The following XPOT variants were observed in gnomAD, a reference collection of about 807,000 sequenced individuals.
The protein encoded by XPOT is exportin-T.
Under a neutral mutation model 128.2 loss-of-function variants are expected in XPOT, and 34 were observed. The observed-to-expected ratio is 0.27, with a 90% confidence interval of 0.20 to 0.35. XPOT has a LOEUF of 0.35. Ranked by LOEUF, XPOT falls within the 10% of genes least tolerant of loss-of-function variation. XPOT has a pLI of 1.00. For synonymous variants in XPOT, 348 were observed against 394.3 expected (o/e 0.88, Z 1.39); for missense variants, 838 against 1,125.3 (o/e 0.74, Z 3.65).
chr12:64,415,872 A>G (rs2040083297), intron 3 of XPOT, among the ~76,000 whole-genome samples: 1 of 152,150 alleles, frequency 6.6e-6, no homozygotes, highest in Admixed American at 6.5e-5. Flanking sequence ...ATAGATTTTT[A>G]AGATATTTGT....
Position 64,433,420 on chromosome 12 carries a change from G to T in XPOT, c.2269G>T (p.Val757Leu). 2 of 1,538,050 alleles carry T rather than the reference G, an allele frequency of 1.3e-6. No homozygotes were observed. Among genetic ancestry groups the T allele is most frequent in the Non-Finnish European group, 1.8e-6 (2 of 1,135,846 alleles). Reference sequence around the variant, plus strand: ...AATGATTGTTTATCTTCAGATACAGGTATCCCCGTTTTTACAACAGATGTT... The same window carrying T: ...AATGATTGTTTATCTTCAGATACAGTTATCCCCGTTTTTACAACAGATGTT... ...NQITAKFKIQ[V>L]SPFLQQMFMP... Residue 757 changes from valine (V) to leucine (L), a missense_variant, in exon 19 of 25, where the codon GTA becomes TTA. Val to Leu is a conservative substitution (Grantham distance 32). Coordinates refer to ENST00000332707, the MANE Select transcript of XPOT (RefSeq NM_007235.6).
In XPOT at chr12:64,422,112, A is replaced by T. The variant is rs188998020; in HGVS notation, c.1080+641A>T. Among the ~76,000 whole-genome samples, 4 of 152,238 alleles carry T rather than the reference A, an allele frequency of 2.6e-5. No homozygotes were observed. The East Asian group carries it at 7.7e-4, about 29-fold the overall frequency. On this transcript the variant is annotated intron_variant, in intron 9 of 24. Coordinates refer to ENST00000332707, the MANE Select transcript of XPOT (RefSeq NM_007235.6). Reference sequence around the variant, plus strand: ...GGTGTGAGCCACCACGCCCGGCAACAATTTTTTACAATTAAAGTTTCCCCC... The same window carrying T: ...GGTGTGAGCCACCACGCCCGGCAACTATTTTTTACAATTAAAGTTTCCCCC...
At position 64,404,499 on chromosome 12, in the gene XPOT, G is replaced by C. The variant is rs2039958334; in HGVS notation, c.-380G>C. The C allele has an allele frequency of 6.3e-6, 1 of 158,406 alleles. No homozygotes were observed. The highest frequency in any genetic ancestry group is 1.4e-5 in the Non-Finnish European group (1 of 72,904). The allele number at this position is 158,406 out of a possible 1,614,324, so 9.8% of individuals were successfully genotyped here. ...CGGCGGCTGCGGCGGCGGCGGCGGC[G>C]TTAGCCGGCCCTCGCGCTCTTTCCC... is the stretch of plus-strand genomic sequence containing the variant. On this transcript the variant is annotated 5_prime_UTR_variant, in exon 1 of 25. Transcript: ENST00000332707.
rs1488789945 is a variant in XPOT, at chr12:64,450,743, G to C, written c.*2612G>C. 1 of 152,202 alleles carries C rather than the reference G, an allele frequency of 6.6e-6. No homozygotes were observed. Among genetic ancestry groups the C allele is most frequent in the African/African-American group, 2.4e-5 (1 of 41,450 alleles). 9.4% of individuals were successfully genotyped at this position (152,202 alleles called of 1,614,324 possible). ...AGGAAGGACAAAACTGTTACAAGCT[G>C]AAATATTTGGGGATTTGTTTGACTT... On this transcript the variant is annotated 3_prime_UTR_variant, in exon 25 of 25. Coordinates refer to ENST00000332707, the MANE Select transcript of XPOT (RefSeq NM_007235.6).
chr12:64,410,372 T>C (rs2040026251), intron 2 of XPOT, among the ~76,000 whole-genome samples: 1 of 152,264 alleles, frequency 6.6e-6, no homozygotes, highest in Admixed American at 6.5e-5. Flanking sequence ...AAAATTGTAA[T>C]GCAAAGGATT....
At position 64,449,662 on chromosome 12, in the gene XPOT, T is replaced by TA. The variant is rs1467213129; in HGVS notation, c.*1536dup. On this transcript the variant is annotated 3_prime_UTR_variant, in exon 25 of 25. Coordinates refer to ENST00000332707, the MANE Select transcript of XPOT (RefSeq NM_007235.6). The stretch of plus-strand genomic sequence containing the variant: ...CAAACATTTTTCTTACACCATATAA[T>TA]AAAAATACTTAACTAAATTGACAGT... 1 of 152,170 alleles carries TA rather than the reference T, an allele frequency of 6.6e-6. No individual in the cohort carries two copies. Among genetic ancestry groups the TA allele is most frequent in the Non-Finnish European group, 1.5e-5 (1 of 68,036 alleles). 9.4% of individuals were successfully genotyped at this position (152,170 alleles called of 1,614,324 possible).
chr12:64,430,686 G>A (rs1048846260), intron 17 of XPOT, among the ~76,000 whole-genome samples: 2 of 152,000 alleles, frequency 1.3e-5, no homozygotes, highest in Non-Finnish European at 2.9e-5. Flanking sequence ...TGTTTTTTCC[G>A]CCTCTAGCCA....
chr12:64,417,519 G>C (rs1242082347), intron 4 of XPOT, among the ~76,000 whole-genome samples: 4 of 144,748 alleles, frequency 2.8e-5, no homozygotes, highest in African/African-American at 7.8e-5. Flanking sequence ...AATACAGCAA[G>C]ACCTTGTCTC....
At chr12:64,440,008 T>G (rs1455733788) in intron 23 of XPOT, among the ~76,000 whole-genome samples, 1 of 152,232 alleles carries the variant, frequency 6.6e-6, no homozygotes, top group East Asian at 1.9e-4. Flanking sequence ...AATTTTTACG[T>G]GCACAACACA....
At chr12:64,424,214 CA>C (rs1476856311) in intron 11 of XPOT, among the ~76,000 whole-genome samples, 2 of 152,280 alleles carry the variant, frequency 1.3e-5, no homozygotes, top group East Asian at 3.9e-4. Flanking sequence ...GCAAAGAATT[CA>C]AAGCCCATTC....
chr12:64,417,045 CG>C (rs2040093655), intron 4 of XPOT, among the ~76,000 whole-genome samples: 1 of 151,824 alleles, frequency 6.6e-6, no homozygotes, highest in Admixed American at 6.6e-5. Context: ...GGTGAAACCC[CG>C]TCTCTACAAA....
At position 64,423,246 on chromosome 12, in the gene XPOT, T is replaced by C; in HGVS notation, c.1182+2T>C. 6.4e-7 allele frequency: 1 copy of C among 1,563,138 alleles called. No homozygotes were observed. Among genetic ancestry groups the C allele is most frequent in the South Asian group, 1.2e-5 (1 of 81,896 alleles). ...GAAGAATATAACTTTGAAAATGAGG[T>C]AAGAATTTTTTTTTGTTGAGGAGAA... is the stretch of plus-strand genomic sequence containing the variant. On this transcript the variant is annotated splice_donor_variant, in intron 11 of 24. Transcript: ENST00000332707. LOFTEE classifies it high-confidence loss of function.
intron 3 of XPOT, among the ~76,000 whole-genome samples, 187 bp from the exon 4 acceptor site, chr12:64,416,510 AT>A (rs2040088639): frequency 6.6e-6 from 1 of 152,200 alleles, no homozygotes; most frequent in East Asian, 1.9e-4. Context: ...ATTGTGTAAT[AT>A]TTAGAGTTCT....
chr12:64,418,519 G>A (rs1035083297), intron 5 of XPOT, among the ~76,000 whole-genome samples: 1 of 152,068 alleles, frequency 6.6e-6, no homozygotes, highest in African/African-American at 2.4e-5. Flanking sequence ...TGTGTAGCTA[G>A]AGTTTTCATT....
At chr12:64,415,095 C>CTTT in intron 3 of XPOT, 106 bp downstream of exon 3, 12 of 560,050 alleles carry the variant, frequency 2.1e-5, no homozygotes, top group South Asian at 4.7e-5. Flanking sequence ...CATTTTATGA[C>CTTT]TTTTTTTTTT....
rs979737832 is a variant in XPOT at position 64,447,663 on chromosome 12, A to G, written c.2863-442A>G. Among the ~76,000 whole-genome samples the G allele has an allele frequency of 1.4e-4, 22 of 152,180 alleles. 1 individual carries two copies. Among genetic ancestry groups the G allele is most frequent in the South Asian group, 6.2e-4 (3 of 4,828 alleles). On this transcript the variant is annotated intron_variant, in intron 24 of 24. Transcript: ENST00000332707. ...CCGGCTAATTTTTTCTATTTTGAGT[A>G]AAGACTGGGTTTCTCCATGTTGGTC...
intron 22 of XPOT, among the ~76,000 whole-genome samples, chr12:64,437,955 G>C (rs1003300125): frequency 6.6e-6 from 1 of 152,040 alleles, no homozygotes; most frequent in Non-Finnish European, 1.5e-5. Context: ...CTCCAGCCTG[G>C]GCAACAGAGC....
At chr12:64,415,972 TC>T (rs2040084185) in intron 3 of XPOT, among the ~76,000 whole-genome samples, 1 of 152,226 alleles carries the variant, frequency 6.6e-6, no homozygotes, top group South Asian at 2.1e-4. Flanking sequence ...ATGAAATCTT[TC>T]TAAAGCATTC....
chr12:64,411,143 T>C (rs1358913647), intron 2 of XPOT, among the ~76,000 whole-genome samples: 7 of 152,212 alleles, frequency 4.6e-5, no homozygotes, highest in Non-Finnish European at 8.8e-5. Context: ...ATCTGGCTAA[T>C]TACAAGATAC....
Sources: gnomAD v4.1 joint callset for allele counts (sites outside exome capture counted in the v4.1 genomes callset) on GRCh38, gnomAD v4.1.1 for gene constraint, MANE v1.5 for transcripts, NCBI Gene and HGNC (gene_info 2026-07-23, HGNC 2026-07-21) for gene names.